CCDC7: variants seen among roughly 807,000 people sequenced by gnomAD.
CCDC7 encodes the protein coiled-coil domain containing 7, also known as coiled-coil domain-containing protein 7.
CCDC7 carries 183 observed loss-of-function variants against 196.9 expected under a neutral mutation model. The ratio of observed to expected loss-of-function variants is 0.93; its 90% CI spans 0.82 to 1.05. The LOEUF (loss-of-function observed/expected upper bound fraction) is 1.05. Ranked by LOEUF, CCDC7 falls within the 50% of genes least tolerant of loss-of-function variation. The pLI is 0.00. For synonymous variants in CCDC7, 525 were observed against 484.6 expected (o/e 1.08, Z -1.10); for missense variants, 1,540 against 1,482.2 (o/e 1.04, Z -0.64).
chr10:32,578,615 T>C (rs1358810048), intron 16 of CCDC7, among the ~76,000 whole-genome samples: 4 of 151,652 alleles, frequency 2.6e-5, no homozygotes, highest in Non-Finnish European at 4.4e-5. Context: ...GAGAAACTAA[T>C]GCGGCTGCTG....
rs535961296 is a variant in CCDC7, at chr10:32,862,136, A to G, written c.4111+7647A>G. On this transcript the variant is annotated intron_variant, in intron 41 of 41. Transcript: ENST00000639629. ...GCACATGTATGTTTATTGCAGCACT[A>G]TTTACAATAGCAAAGACTTGGAACC... is the stretch of plus-strand genomic sequence containing the variant. 3.9e-5 allele frequency among the ~76,000 whole-genome samples: 6 copies of G among 152,282 alleles called. No homozygotes were observed. The South Asian group carries it at 1.0e-3, about 26-fold the overall frequency.
intron 11 of CCDC7, among the ~76,000 whole-genome samples, chr10:32,535,664 AGGT>A (rs766935309): frequency 2.6e-5 from 4 of 152,198 alleles, no homozygotes; most frequent in Non-Finnish European, 5.9e-5. Context: ...GAAATCTCAT[AGGT>A]GGCTGCCCTT....
chr10:32,834,770 A>G, intron 32 of CCDC7, 45 bp from the exon 34 acceptor site: 1 of 844,856 alleles, frequency 1.2e-6, no homozygotes, highest in Non-Finnish European at 2.0e-6. Context: ...CATATGTTAC[A>G]ATTTACCTTT....
intron 24 of CCDC7, among the ~76,000 whole-genome samples, chr10:32,703,808 A>G (rs976853000): frequency 3.9e-5 from 6 of 152,146 alleles, no homozygotes; most frequent in Admixed American, 1.3e-4. Flanking sequence ...TGATCGAATC[A>G]GCTACTGAGG....
chr10:32,477,320 A>G (rs1359831372), intron 8 of CCDC7, among the ~76,000 whole-genome samples: 1 of 151,868 alleles, frequency 6.6e-6, no homozygotes, highest in Non-Finnish European at 1.5e-5. Context: ...CTCCTGCCTC[A>G]GCCTCCCTAG....
At chr10:32,848,015 A>C in intron 38 of CCDC7, 99 bp downstream of exon 39, 1 of 616,518 alleles carries the variant, frequency 1.6e-6, no homozygotes, top group Non-Finnish European at 2.6e-6. Context: ...TTAATATTTC[A>C]TGGGCAAATG....
chr10:32,876,267 G>T, intron 41 of CCDC7, 80 bp from the exon 43 acceptor site: 1 of 1,011,952 alleles, frequency 9.9e-7, no homozygotes, highest in Non-Finnish European at 1.5e-6. Context: ...TGTTTTCCAT[G>T]ATATCATATA....
At chr10:32,473,419 T>C (rs2038353335) in intron 7 of CCDC7, among the ~76,000 whole-genome samples, 1 of 152,214 alleles carries the variant, frequency 6.6e-6, no homozygotes, top group African/African-American at 2.4e-5. Context: ...GGCCTAGTCA[T>C]AGTGGGAATG....
At chr10:32,867,888 A>G (rs2094263412) in intron 41 of CCDC7, among the ~76,000 whole-genome samples, 1 of 151,820 alleles carries the variant, frequency 6.6e-6, no homozygotes, top group South Asian at 2.1e-4. Context: ...TTATCTTGCA[A>G]AACTGAAACT....
At position 32,633,472 on chromosome 10, in the gene CCDC7, G is replaced by A. The variant is rs1004854618; in HGVS notation, c.1802-782G>A. On this transcript the variant is annotated intron_variant, in intron 18 of 41. Coordinates refer to ENST00000639629, the Ensembl canonical transcript of CCDC7. ...CCCTAATGCTCCTCAATTTGTTTTA[G>A]AATTGCTTAGCTCATAGCACTAGAA... 8.5e-5 allele frequency among the ~76,000 whole-genome samples: 13 copies of A among 152,050 alleles called. No homozygotes were observed. The South Asian group carries it at 2.7e-3, about 32-fold the overall frequency.
chr10:32,527,710 G>C (rs902859305), intron 11 of CCDC7, among the ~76,000 whole-genome samples: 1 of 152,188 alleles, frequency 6.6e-6, no homozygotes, highest in Non-Finnish European at 1.5e-5. Flanking sequence ...AACTGTGGAA[G>C]TAATTGTTAT....
chr10:32,841,829 C>A (rs1056943439), intron 33 of CCDC7, among the ~76,000 whole-genome samples: 1 of 152,002 alleles, frequency 6.6e-6, no homozygotes, highest in African/African-American at 2.4e-5. Flanking sequence ...AGATCTTCGA[C>A]AAAACAAACA....
intron 30 of CCDC7, among the ~76,000 whole-genome samples, chr10:32,811,630 A>T (rs1279914421): frequency 6.6e-6 from 1 of 152,072 alleles, no homozygotes; most frequent in Non-Finnish European, 1.5e-5. Context: ...CTCACTGCCA[A>T]TTTTTTCCAA....
At chr10:32,809,776 A>G (rs190855334) in intron 30 of CCDC7, among the ~76,000 whole-genome samples, 2 of 152,164 alleles carry the variant, frequency 1.3e-5, no homozygotes, top group Non-Finnish European at 2.9e-5. Context: ...TTACACTGTT[A>G]GTGGGACTGT....
intron 21 of CCDC7, among the ~76,000 whole-genome samples, chr10:32,665,483 G>A (rs1577370): frequency 0.25 from 38,257 of 151,818 alleles, 5,397 homozygotes; most frequent in South Asian, 0.44. Context: ...GTTGATTTTT[G>A]TATATAGTGT....
intron 20 of CCDC7, among the ~76,000 whole-genome samples, chr10:32,638,547 T>A (rs1348709181): frequency 2.0e-5 from 3 of 152,228 alleles, no homozygotes; most frequent in Non-Finnish European, 2.9e-5. Flanking sequence ...GATTTGTGTA[T>A]GTTGAACCAG....
At chr10:32,727,329 G>T (rs111635383) in intron 26 of CCDC7, among the ~76,000 whole-genome samples, 9,172 of 152,220 alleles carry the variant, frequency 0.06, 865 homozygotes, top group African/African-American at 0.2. Flanking sequence ...CCACACAAAA[G>T]TAAGGTCTTC....
chr10:32,449,718 C>T (rs2032498807), upstream of CCDC7, among the ~76,000 whole-genome samples: 1 of 152,150 alleles, frequency 6.6e-6, no homozygotes, highest in South Asian at 2.1e-4. Flanking sequence ...TCCCCAAATT[C>T]GCATGTTGAA....
chr10:32,633,696 A>ATATGTGTGTGTGTGTGTGTG (rs779341941), intron 18 of CCDC7, among the ~76,000 whole-genome samples: 1 of 135,160 alleles, frequency 7.4e-6, no homozygotes. Context: ...ATATATATAT[A>ATATGTGTGTGTGTGTGTGTG]TGTGTGTGTG....
Sources: allele counts gnomAD v4.1 joint callset (sites outside exome capture counted in the v4.1 genomes callset), GRCh38; gene constraint gnomAD v4.1.1; transcripts MANE v1.5; gene names NCBI Gene and HGNC (gene_info 2026-07-23, HGNC 2026-07-21).